Variants in C11orf97 observed in about 807,000 individuals in gnomAD.
C11orf97 encodes the protein chromosome 11 open reading frame 97.
C11orf97 carries 15 observed loss-of-function variants against 16.2 expected under a neutral mutation model. The observed-to-expected ratio is 0.93, with a 90% CI of 0.62 to 1.43. The LOEUF is 1.43. C11orf97 is among the 40% of genes most tolerant of loss of function. The probability of loss-of-function intolerance (pLI) is 0.00; values close to 1 mark genes in which losing one functional copy is unlikely to be tolerated. For missense variants in C11orf97, 171 were observed against 161.2 expected, an observed-to-expected ratio of 1.06 and a Z score of -0.33; for synonymous variants, 61 against 65.7, an observed-to-expected ratio of 0.93 and a Z score of 0.34.
intron 3 of C11orf97, among the ~76,000 whole-genome samples, chr11:94,528,599 A>G (rs1178246672): frequency 6.6e-6 from 1 of 152,248 alleles, no homozygotes; most frequent in Non-Finnish European, 1.5e-5. Context: ...GAATGAAGGA[A>G]GAACATGGCA....
chr11:94,516,782 T>C (rs1947614295), intron 1 of C11orf97, among the ~76,000 whole-genome samples: 1 of 152,146 alleles, frequency 6.6e-6, no homozygotes, highest in Non-Finnish European at 1.5e-5. Context: ...GTAGAAGTTA[T>C]ATAGGCAAAA....
intron 1 of C11orf97, among the ~76,000 whole-genome samples, chr11:94,514,429 G>A (rs1205847188): frequency 6.6e-6 from 1 of 152,132 alleles, no homozygotes; most frequent in African/African-American, 2.4e-5. Flanking sequence ...AAAGTACTCA[G>A]TCAATTTTTC....
chr11:94,519,065 C>T (rs1376489686), intron 2 of C11orf97, among the ~76,000 whole-genome samples: 8 of 151,998 alleles, frequency 5.3e-5, no homozygotes, highest in Admixed American at 6.6e-5. Context: ...CACACCACCA[C>T]GGCCCAGCTA....
Position 94,531,981 on chromosome 11 carries a change from G to C in C11orf97, c.*81G>C. ...GGAGAAGAAACTCAAGCTTGTTTCA[G>C]GATTTAAGATGTGTGCAAAAAAATG... On this transcript the variant is annotated 3_prime_UTR_variant, in exon 4 of 4. Transcript: ENST00000542198. 8.2e-7 allele frequency: 1 copy of C among 1,219,610 alleles called. No homozygotes were observed. Among genetic ancestry groups the C allele is most frequent in the Non-Finnish European group, 1.1e-6 (1 of 914,860 alleles). The allele number at this position is 1,219,610 out of a possible 1,614,324, so 75.5% of individuals were successfully genotyped here.
intron 3 of C11orf97, among the ~76,000 whole-genome samples, chr11:94,529,511 A>G (rs1478189994): frequency 6.6e-6 from 1 of 152,242 alleles, no homozygotes; most frequent in African/African-American, 2.4e-5. Context: ...TTATACAGTT[A>G]TGTAATCCAC....
chr11:94,519,273 A>G (rs1487120711), intron 2 of C11orf97, among the ~76,000 whole-genome samples: 2 of 152,160 alleles, frequency 1.3e-5, no homozygotes, highest in Admixed American at 1.3e-4. Flanking sequence ...CCATTCTTAT[A>G]AAAGGAGAGA....
intron 2 of C11orf97, among the ~76,000 whole-genome samples, chr11:94,518,149 GAA>G (rs370762855): frequency 2.7e-3 from 298 of 108,938 alleles, no homozygotes; most frequent in African/African-American, 0.01. Context: ...CTCCATATCA[GAA>G]AAAAAAAAAA....
chr11:94,524,390 G>T (rs1947682854), intron 2 of C11orf97, among the ~76,000 whole-genome samples: 2 of 151,994 alleles, frequency 1.3e-5, no homozygotes. Flanking sequence ...GAGGAACAGA[G>T]ATTTGAAATT....
intron 3 of C11orf97, 141 bp from the exon 4 acceptor site, chr11:94,531,755 C>T (rs552393081): frequency 1.7e-6 from 1 of 591,906 alleles, no homozygotes; most frequent in Non-Finnish European, 2.6e-6. Flanking sequence ...TTTCTGGTTA[C>T]TGGGATGACA....
rs1045352037 is a variant in C11orf97 at position 94,517,823 on chromosome 11, A to C, written c.250+136A>C. The C allele has an allele frequency of 8.2e-6, 5 of 612,556 alleles. No individual in the cohort carries two copies. In the African/African-American group the frequency reaches 9.6e-5, roughly 12 times the overall value. 37.9% of individuals were successfully genotyped at this position (612,556 alleles called of 1,614,324 possible). On this transcript the variant is annotated intron_variant, in intron 2 of 3. Transcript: ENST00000542198. ...AAGTTCTTGAACTAGTTTATAATTA[A>C]TTTGCTTATGTCCAAATAAACCTTC...
intron 2 of C11orf97, among the ~76,000 whole-genome samples, chr11:94,522,620 A>G (rs1947667280): frequency 6.6e-6 from 1 of 152,178 alleles, no homozygotes; most frequent in Admixed American, 6.5e-5. Flanking sequence ...AATGAATGGC[A>G]TAGCCTATGG....
intron 3 of C11orf97, 23 bp downstream of exon 3, chr11:94,528,232 T>A: frequency 6.6e-7 from 1 of 1,525,122 alleles, no homozygotes. Flanking sequence ...TGCCCTTGAC[T>A]TCCACTGAAG....
intron 3 of C11orf97, 139 bp downstream of exon 3, chr11:94,528,348 A>C (rs12282965): frequency 0.24 from 194,210 of 813,510 alleles, 24,865 homozygotes; most frequent in African/African-American, 0.42. Flanking sequence ...GGTTGCTTTT[A>C]GTTTGGCCAT....
At chr11:94,517,552 T>C in intron 1 of C11orf97, 31 bp from the exon 2 acceptor site, 2 of 1,333,808 alleles carry the variant, frequency 1.5e-6, no homozygotes, top group Non-Finnish European at 1.0e-6. Flanking sequence ...GTATTTATAC[T>C]AAGTAATTGA....
rs996301560 is a variant in C11orf97, at chr11:94,512,564, G to C, written c.36G>C (p.Val12=). 34 of 1,311,112 alleles carry C rather than the reference G, an allele frequency of 2.6e-5. No individual in the cohort carries two copies. The African/African-American group carries it at 5.0e-4, about 19-fold the overall frequency. 81.2% of individuals were successfully genotyped at this position (1,311,112 alleles called of 1,614,324 possible). A position where few individuals can be genotyped will look rare whatever the true frequency, so the allele number is the denominator to read the frequency against. ...AGGAGGCGGTGGTGGTGACCGCAGT[G>C]GTGGCGCCCAAGGCGGGTCGCGAAG... ...TGEEAVVVTA[V]VAPKAGREEE... is the part of the protein sequence containing the mutation. Residue 12 remains valine, a synonymous_variant, in exon 1 of 4, where the codon GTG becomes GTC. Coordinates refer to ENST00000542198, the MANE Select transcript of C11orf97 (RefSeq NM_001190462.2).
At chr11:94,515,303 A>T (rs535789063) in intron 1 of C11orf97, among the ~76,000 whole-genome samples, 49 of 151,802 alleles carry the variant, frequency 3.2e-4, no homozygotes, top group Non-Finnish European at 6.0e-4. Context: ...AGGAAAAAAA[A>T]CAAAAAACAA....
chr11:94,527,886 T>C (rs758628231), intron 2 of C11orf97, among the ~76,000 whole-genome samples, 198 bp from the exon 3 acceptor site: 10 of 152,208 alleles, frequency 6.6e-5, no homozygotes, highest in Non-Finnish European at 1.5e-4. Flanking sequence ...AGAGGTTTAA[T>C]TGCATAGAGA....
intron 2 of C11orf97, among the ~76,000 whole-genome samples, chr11:94,520,432 CCT>C (rs1234048883): frequency 6.6e-6 from 1 of 152,122 alleles, no homozygotes; most frequent in Non-Finnish European, 1.5e-5. Flanking sequence ...CTCTACCTAC[CCT>C]CACACCGTGG....
At chr11:94,528,267 C>G in intron 3 of C11orf97, 58 bp downstream of exon 3, 1 of 1,453,950 alleles carries the variant, frequency 6.9e-7, no homozygotes, top group Non-Finnish European at 9.1e-7. Context: ...TTACAGTTTA[C>G]AAACCAGTGG....
Sources: allele counts gnomAD v4.1 joint callset (sites outside exome capture counted in the v4.1 genomes callset), GRCh38; gene constraint gnomAD v4.1.1; transcripts MANE v1.5; gene names NCBI Gene and HGNC (gene_info 2026-07-23, HGNC 2026-07-21).